CD33: variants seen among roughly 807,000 people sequenced by gnomAD.
CD33 encodes the protein CD33 molecule.
CD33 carries 25 observed loss-of-function variants against 31.4 expected under a neutral mutation model. That is an observed-to-expected ratio of 0.80 (90% confidence interval 0.58 to 1.11). The LOEUF (loss-of-function observed/expected upper bound fraction) is 1.11, where lower values mean the gene tolerates loss of function less well. Ranked by LOEUF, CD33 falls within the 50% of genes most tolerant of loss-of-function variation. The pLI, the probability that CD33 is intolerant of heterozygous loss-of-function variation, is 0.00. For synonymous variants in CD33, 176 were observed against 180.6 expected, an observed-to-expected ratio of 0.97 and a Z score of 0.20; for missense variants, 407 against 448.1, an observed-to-expected ratio of 0.91 and a Z score of 0.83.
Position 51,236,083 on chromosome 19 carries a change from G to A in CD33, c.924+407G>A, listed in dbSNP as rs749329361. On this transcript the variant is annotated intron_variant, in intron 6 of 6. Coordinates refer to ENST00000262262, the MANE Select transcript of CD33 (RefSeq NM_001772.4). ...TGAGGCAGGAGAATGGTATGAACCCGGGAGGCAGAGCTTGTAGTGAGCCGA... is the reference window on the plus strand; with the variant it reads ...TGAGGCAGGAGAATGGTATGAACCCAGGAGGCAGAGCTTGTAGTGAGCCGA... 64 of 491,986 alleles carry A rather than the reference G, an allele frequency of 1.3e-4. 1 individual carries two copies. The highest frequency in any genetic ancestry group is 1.0e-3 in the South Asian group (49 of 49,110). 30.5% of individuals were successfully genotyped at this position (491,986 alleles called of 1,614,324 possible).
intron 4 of CD33, among the ~76,000 whole-genome samples, chr19:51,227,191 C>T (rs546673002): frequency 1.3e-5 from 2 of 152,156 alleles, no homozygotes; most frequent in South Asian, 4.2e-4. Flanking sequence ...GAGGTGCAGA[C>T]GTTTCTTCAA....
chr19:51,227,530 T>C (rs886906506), intron 4 of CD33, among the ~76,000 whole-genome samples: 2 of 152,206 alleles, frequency 1.3e-5, no homozygotes, highest in African/African-American at 4.8e-5. Context: ...TCTTGAGAAA[T>C]GTCTACTCAG....
the CD33 span, chr19:51,211,972 T>C: frequency 8.2e-7 from 1 of 1,216,144 alleles, no homozygotes; most frequent in Non-Finnish European, 1.2e-6. Context: ...CTCACGATCA[T>C]CCCATGGCCC....
chr19:51,220,505 C>G (rs1443858330), upstream of CD33, among the ~76,000 whole-genome samples: 1 of 152,158 alleles, frequency 6.6e-6, no homozygotes, highest in African/African-American at 2.4e-5. Flanking sequence ...GCCACATGGC[C>G]TCGCCTCCTT....
intron 4 of CD33, among the ~76,000 whole-genome samples, chr19:51,226,837 A>T (rs1340797537): frequency 6.6e-6 from 1 of 151,780 alleles, no homozygotes; most frequent in African/African-American, 2.4e-5. Flanking sequence ...GGTGTAATCT[A>T]GTATCCTTTA....
chr19:51,239,039 A>G (rs1263315810), intron 6 of CD33: 1 of 152,646 alleles, frequency 6.6e-6, no homozygotes, highest in Non-Finnish European at 1.5e-5. Flanking sequence ...ACAATTTGCA[A>G]TTACCAGTCT....
At chr19:51,220,607 GATTTCC>G (rs1166874196), upstream of CD33, among the ~76,000 whole-genome samples, 1 of 152,158 alleles carries the variant, frequency 6.6e-6, no homozygotes. Flanking sequence ...CATAATCCAG[GATTTCC>G]ACTGGTCAAG....
At chr19:51,211,707 G>A in the CD33 span, 3 of 839,658 alleles carry the variant, frequency 3.6e-6, no homozygotes, top group Middle Eastern at 2.3e-4. Context: ...AGACTCAGGG[G>A]AGGACCCGGA....
At chr19:51,222,499 C>T, upstream of CD33, among the ~76,000 whole-genome samples, 1 of 152,276 alleles carries the variant, frequency 6.6e-6, no homozygotes, top group Admixed American at 6.5e-5. Context: ...AGAAATAAAA[C>T]ATTATAGTAT....
chr19:51,225,095 G>A lies in CD33; in HGVS notation c.-24G>A. On this transcript the variant is annotated 5_prime_UTR_variant, in exon 1 of 7. Coordinates refer to ENST00000262262, the MANE Select transcript of CD33 (RefSeq NM_001772.4). Reference sequence around the variant, plus strand: ...TTCCTCTTTTCTGCTCACACAGGAAGCCCTGGAAGCTGCTTCCTCAGACAT... The same window carrying A: ...TTCCTCTTTTCTGCTCACACAGGAAACCCTGGAAGCTGCTTCCTCAGACAT... 6.2e-7 allele frequency: 1 copy of A among 1,613,332 alleles called. No homozygotes were observed. Among genetic ancestry groups the A allele is most frequent in the Non-Finnish European group, 8.5e-7 (1 of 1,179,966 alleles).
upstream of CD33, among the ~76,000 whole-genome samples, chr19:51,222,252 G>A (rs751157875): frequency 5.9e-5 from 9 of 152,160 alleles, no homozygotes; most frequent in South Asian, 2.1e-4. Context: ...ATCATACGTC[G>A]ACAAGGGTGT....
the CD33 span, among the ~76,000 whole-genome samples, chr19:51,214,368 T>G: frequency 6.6e-6 from 1 of 151,560 alleles, no homozygotes; most frequent in Non-Finnish European, 1.5e-5. Flanking sequence ...CAGCTATTTT[T>G]TGTATTTTTA....
upstream of CD33, among the ~76,000 whole-genome samples, chr19:51,220,461 T>A (rs1027600503): frequency 2.0e-5 from 3 of 152,172 alleles, no homozygotes; most frequent in Non-Finnish European, 4.4e-5. Context: ...ATTCCTTGAA[T>A]TTTGGCTGGA....
chr19:51,222,441 GA>G (rs1210827782), upstream of CD33, among the ~76,000 whole-genome samples: 3 of 152,180 alleles, frequency 2.0e-5, no homozygotes, highest in African/African-American at 7.2e-5. Context: ...ACTTGTACCT[GA>G]ATACCTGTAG....
At chr19:51,236,084 G>A (rs1204668939) in intron 6 of CD33, 1 of 492,228 alleles carries the variant, frequency 2.0e-6, no homozygotes, top group African/African-American at 2.0e-5. Context: ...TATGAACCCG[G>A]GAGGCAGAGC....
chr19:51,226,398 A>G (rs1169236571), intron 4 of CD33, 42 bp downstream of exon 4: 12 of 1,562,338 alleles, frequency 7.7e-6, no homozygotes, highest in Non-Finnish European at 1.1e-5. Context: ...ACTGACATTG[A>G]GTCTGTGTCA....
In CD33 at chr19:51,239,521, C is replaced by T. The variant is rs778415636; in HGVS notation, c.928C>T (p.His310Tyr). Reference sequence around the variant, plus strand: ...CCCCTTCTTTCCTCTCCATAAGAAACACCAGAAGAAGTCCAAGTTACATGG... The same window carrying T: ...CCCCTTCTTTCCTCTCCATAAGAAATACCAGAAGAAGTCCAAGTTACATGG... The part of the protein sequence containing the change: ...HPTTGSASPK[H>Y]QKKSKLHGPT... The change falls in exon 7 of 7, where the codon CAC becomes TAC. Residue 310 changes from histidine to tyrosine, a missense_variant. Transcript: ENST00000262262. 3 of 1,601,140 alleles carry T rather than the reference C, an allele frequency of 1.9e-6. 1 individual carries two copies. In the South Asian group the frequency reaches 3.4e-5, roughly 18 times the overall value.
intron 2 of CD33, 96 bp downstream of exon 2, chr19:51,225,694 G>A: frequency 6.5e-7 from 1 of 1,537,112 alleles, no homozygotes; most frequent in South Asian, 1.2e-5. Context: ...GGGTTTAGGG[G>A]TAAAGCCTGT....
chr19:51,211,803 A>G, the CD33 span: 2 of 875,904 alleles, frequency 2.3e-6, no homozygotes, highest in Non-Finnish European at 1.9e-6. Context: ...CCTGACCCAC[A>G]GGCCCAGCAT....
Sources: allele counts gnomAD v4.1 joint callset (sites outside exome capture counted in the v4.1 genomes callset), GRCh38; gene constraint gnomAD v4.1.1; transcripts MANE v1.5; gene names NCBI Gene and HGNC (gene_info 2026-07-23, HGNC 2026-07-21).